SUGCT: variants seen among roughly 807,000 people sequenced by gnomAD.
SUGCT encodes succinyl-CoA:glutarate CoA-transferase.
SUGCT carries 41 observed loss-of-function variants against 55.0 expected under a neutral mutation model. The observed-to-expected ratio is 0.74, with a 90% confidence interval of 0.58 to 0.97. The LOEUF (loss-of-function observed/expected upper bound fraction) is 0.97. SUGCT is among the 50% of genes least tolerant of loss of function. The pLI, the probability that SUGCT is intolerant of heterozygous loss-of-function variation, is 0.00. For synonymous variants in SUGCT, 187 were observed against 200.4 expected (o/e 0.93, Z 0.56); for missense variants, 568 against 547.8 (o/e 1.04, Z -0.37).
chr7:41,032,262 T>G, the SUGCT span, among the ~76,000 whole-genome samples: 5 of 152,136 alleles, frequency 3.3e-5, no homozygotes, highest in Admixed American at 3.3e-4. Flanking sequence ...ATCTTTTTCC[T>G]TGCTAATAGA....
chr7:40,177,674 A>G (rs77623083), intron 1 of SUGCT, among the ~76,000 whole-genome samples: 1 of 151,940 alleles, frequency 6.6e-6, no homozygotes, highest in Non-Finnish European at 1.5e-5. Context: ...CCTCTCAGCT[A>G]TTGTGTTGGT....
chr7:40,294,260 T>C (rs1293249150), intron 8 of SUGCT, among the ~76,000 whole-genome samples: 2 of 151,928 alleles, frequency 1.3e-5, no homozygotes, highest in African/African-American at 4.8e-5. Flanking sequence ...TAGACAGAAC[T>C]TTAAGGCTTG....
At chr7:40,664,961 CAGTG>C (rs1169004079) in intron 12 of SUGCT, among the ~76,000 whole-genome samples, 1 of 138,062 alleles carries the variant, frequency 7.2e-6, no homozygotes, top group Non-Finnish European at 1.5e-5. Context: ...GCCTGGGAGA[CAGTG>C]AGAGACTCTG....
At chr7:40,226,093 G>A (rs553534929) in intron 6 of SUGCT, among the ~76,000 whole-genome samples, 3 of 152,226 alleles carry the variant, frequency 2.0e-5, no homozygotes, top group South Asian at 4.1e-4. Context: ...TGGCTAGCAG[G>A]TATATTGGGA....
rs541066032 is a variant in SUGCT at position 40,386,764 on chromosome 7, T to C, written c.817-62523T>C. Among the ~76,000 whole-genome samples, 4 of 152,310 alleles carry C rather than the reference T, an allele frequency of 2.6e-5. No individual in the cohort carries two copies. The South Asian group carries it at 6.2e-4, about 24-fold the overall frequency. On this transcript the variant is annotated intron_variant, in intron 9 of 13. Transcript: ENST00000335693. ...GTGAGAAAGTAGTGGGCCCAGGCGC[T>C]CTTAATGGAGCCTCGTGTGGCCACC...
Position 40,860,374 on chromosome 7 carries a change from C to T in SUGCT, c.1212C>T (p.Leu404=), listed in dbSNP as rs146063824. 2.3e-5 allele frequency: 37 copies of T among 1,613,990 alleles called. No homozygotes were observed. Among genetic ancestry groups the T allele is most frequent in the South Asian group, 1.1e-4 (10 of 91,084 alleles). Residue 404 remains leucine (L), a synonymous_variant, in exon 14 of 14, where the codon CTC becomes CTT. Transcript: ENST00000335693. ...KMSEARPPPL[L]GQHTTHILKE... is the part of the protein sequence containing the mutation. ...CAGAGGCCAGGCCGCCCCCGCTGCT[C>T]GGGCAGCACACAACGCACATCCTGA...
chr7:40,502,023 TAAG>T (rs1284804880), intron 12 of SUGCT, among the ~76,000 whole-genome samples: 3 of 152,094 alleles, frequency 2.0e-5, no homozygotes, highest in Admixed American at 1.3e-4. Context: ...TCTTAATGAC[TAAG>T]AAGAAGATAA....
intron 11 of SUGCT, among the ~76,000 whole-genome samples, 165 bp downstream of exon 11, chr7:40,459,363 G>T (rs1237671643): frequency 2.6e-5 from 4 of 151,574 alleles, no homozygotes; most frequent in African/African-American, 9.7e-5. Context: ...GGGTTTTTTT[G>T]TTTGTTTGTT....
chr7:40,949,371 G>C, the SUGCT span, among the ~76,000 whole-genome samples: 1 of 152,082 alleles, frequency 6.6e-6, no homozygotes, highest in Non-Finnish European at 1.5e-5. Flanking sequence ...TGTCAGATGA[G>C]TAGATTGCAA....
intron 8 of SUGCT, among the ~76,000 whole-genome samples, chr7:40,297,485 A>G (rs1272663751): frequency 6.6e-6 from 1 of 152,184 alleles, no homozygotes; most frequent in Non-Finnish European, 1.5e-5. Flanking sequence ...CTGAGATAAC[A>G]TGAATGTTCA....
chr7:40,711,090 C>T (rs1785689191), intron 12 of SUGCT, among the ~76,000 whole-genome samples: 2 of 152,214 alleles, frequency 1.3e-5, no homozygotes, highest in African/African-American at 4.8e-5. Context: ...CCTACCAGGG[C>T]TGGGCAGGGA....
At chr7:40,948,607 C>T in the SUGCT span, among the ~76,000 whole-genome samples, 1 of 149,182 alleles carries the variant, frequency 6.7e-6, no homozygotes, top group Non-Finnish European at 1.5e-5. Context: ...CCTCCCCTTT[C>T]CCCCACCCGC....
At chr7:40,274,748 A>G in intron 8 of SUGCT, 92 bp downstream of exon 8, 1 of 1,196,724 alleles carries the variant, frequency 8.4e-7, no homozygotes, top group Non-Finnish European at 1.2e-6. Flanking sequence ...CATGTACAAA[A>G]ACAATACAAA....
intron 12 of SUGCT, among the ~76,000 whole-genome samples, chr7:40,722,857 GATATCC>G (rs1198691271): frequency 6.6e-6 from 1 of 151,920 alleles, no homozygotes; most frequent in Non-Finnish European, 1.5e-5. Context: ...ACATTGAAGC[GATATCC>G]TTCAATCTGA....
At chr7:40,863,496 C>G (rs1007418271), downstream of SUGCT, among the ~76,000 whole-genome samples, 4 of 152,164 alleles carry the variant, frequency 2.6e-5, no homozygotes, top group Non-Finnish European at 4.4e-5. Flanking sequence ...GATTCATACT[C>G]CAGATAATGG....
the SUGCT span, among the ~76,000 whole-genome samples, chr7:40,995,407 T>C: frequency 6.7e-6 from 1 of 150,356 alleles, no homozygotes; most frequent in Non-Finnish European, 1.5e-5. Context: ...ATTATTATTA[T>C]TATAGTTTAC....
chr7:41,013,541 C>T, the SUGCT span, among the ~76,000 whole-genome samples: 6 of 152,082 alleles, frequency 3.9e-5, no homozygotes, highest in South Asian at 2.1e-4. Flanking sequence ...AAGTGGTGTC[C>T]GTGGGTTCGT....
At chr7:40,926,087 C>A in the SUGCT span, among the ~76,000 whole-genome samples, 1 of 151,574 alleles carries the variant, frequency 6.6e-6, no homozygotes, top group South Asian at 2.1e-4. Context: ...GGTGACAGAG[C>A]AAGTTCCTGT....
chr7:41,000,190 CATT>C, the SUGCT span, among the ~76,000 whole-genome samples: 12 of 152,250 alleles, frequency 7.9e-5, no homozygotes, highest in African/African-American at 2.4e-4. Context: ...ATGCATTACT[CATT>C]ATACTTACAC....
Sources: gnomAD v4.1 joint callset for allele counts (sites outside exome capture counted in the v4.1 genomes callset) on GRCh38, gnomAD v4.1.1 for gene constraint, MANE v1.5 for transcripts, NCBI Gene and HGNC (gene_info 2026-07-23, HGNC 2026-07-21) for gene names.